Variants in NBAS observed in about 807,000 individuals in gnomAD.
NBAS encodes the protein NAG/BC035112 fusion.
NBAS carries 219 observed loss-of-function variants against 302.5 expected under a neutral mutation model. The observed-to-expected ratio is 0.72, with a 90% CI of 0.65 to 0.81. The LOEUF is 0.81. NBAS is among the 30% of genes least tolerant of loss of function. The pLI is 0.00. For synonymous variants in NBAS, 1,118 were observed against 1,021.6 expected (o/e 1.09, Z -1.80); for missense variants, 2,932 against 2,841.6 (o/e 1.03, Z -0.72).
chr2:15,550,779 G>A (rs1664345893), intron 6 of NBAS, among the ~76,000 whole-genome samples: 1 of 151,870 alleles, frequency 6.6e-6, no homozygotes, highest in African/African-American at 2.4e-5. Context: ...TAGAGACGGG[G>A]TTTCACCATG....
the NBAS span, among the ~76,000 whole-genome samples, chr2:15,035,911 A>G: frequency 0.8 from 122,309 of 152,154 alleles, 49,698 homozygotes; most frequent in East Asian, 1. Flanking sequence ...CAGGCTCAAT[A>G]CATAGGTGAT....
intron 11 of NBAS, among the ~76,000 whole-genome samples, chr2:15,498,602 C>T (rs1010833030): frequency 6.6e-6 from 1 of 152,136 alleles, no homozygotes; most frequent in Non-Finnish European, 1.5e-5. Context: ...TTTGGATCTG[C>T]GTCCCCACCC....
At chr2:15,391,778 T>C (rs1313895683) in intron 28 of NBAS, among the ~76,000 whole-genome samples, 2 of 151,026 alleles carry the variant, frequency 1.3e-5, no homozygotes, top group Non-Finnish European at 2.9e-5. Flanking sequence ...TTAAAAAATA[T>C]GAGAAACACA....
At chr2:15,377,017 G>A (rs1397312106) in intron 30 of NBAS, among the ~76,000 whole-genome samples, 1 of 152,116 alleles carries the variant, frequency 6.6e-6, no homozygotes, top group Non-Finnish European at 1.5e-5. Context: ...ATAGTCTTGG[G>A]ATTTAAAGGT....
At position 15,216,275 on chromosome 2, in the gene NBAS, T is replaced by C. The variant is rs1666650862; in HGVS notation, c.6432+2498A>G. On this transcript the variant is annotated intron_variant, in intron 48 of 51. Transcript: ENST00000281513. ...CTACCAAGAACAGGGAAAATGCTCT[T>C]ACATAAGGGGAAAGCAGAGAGGCGA... Among the ~76,000 whole-genome samples, 3 of 152,176 alleles carry C rather than the reference T, an allele frequency of 2.0e-5. No homozygotes were observed. In the South Asian group the frequency reaches 6.2e-4, roughly 32 times the overall value.
At chr2:14,822,018 G>A in the NBAS span, among the ~76,000 whole-genome samples, 1 of 151,886 alleles carries the variant, frequency 6.6e-6, no homozygotes, top group Non-Finnish European at 1.5e-5. Flanking sequence ...GGGCAACAGA[G>A]TGAGACTCTG....
At chr2:15,474,456 C>G in intron 14 of NBAS, 132 bp from the exon 15 acceptor site, 4 of 949,478 alleles carry the variant, frequency 4.2e-6, no homozygotes, top group Non-Finnish European at 6.1e-6. Flanking sequence ...TCAAGATTAA[C>G]AATGGAACTC....
chr2:15,402,554 T>C lies in NBAS; in HGVS notation c.2938-253A>G, dbSNP rs181731138. 8.1e-4 allele frequency among the ~76,000 whole-genome samples: 124 copies of C among 152,230 alleles called. No individual in the cohort carries two copies. The East Asian group carries it at 0.022, about 27-fold the overall frequency. On this transcript the variant is annotated intron_variant, in intron 25 of 51. Coordinates refer to ENST00000281513, the MANE Select transcript of NBAS (RefSeq NM_015909.4). ...ATCAGCTGAAAACAGATTCTTCAAT[T>C]TATGACCCAGTCAATATAGAAAAAA...
Position 15,167,073 on chromosome 2 carries a change from AG to A in NBAS, c.7090del (p.Leu2364SerfsTer?). 2 of 1,601,196 alleles carry A rather than the reference AG, an allele frequency of 1.2e-6. No individual in the cohort carries two copies. The highest frequency in any genetic ancestry group is 1.7e-6 in the Non-Finnish European group (2 of 1,171,954). Reference protein sequence around the residue: ...HQAFRTFSTALRAAQHWV With the variant: ...HQAFRTFSTAXRAAQHWV ...TCACACCCAGTGCTGTGCTGCGCGG[AG>A]GGCTGTACTGAAGGTTCTGAAGGCC... On this transcript the variant is annotated frameshift_variant, in exon 52 of 52. Coordinates refer to ENST00000281513, the MANE Select transcript of NBAS (RefSeq NM_015909.4). LOFTEE classifies it high-confidence loss of function.
chr2:15,171,391 G>A (rs1009939159), intron 51 of NBAS, among the ~76,000 whole-genome samples: 1 of 152,028 alleles, frequency 6.6e-6, no homozygotes, highest in Non-Finnish European at 1.5e-5. Flanking sequence ...TTAATCGTAT[G>A]ATATTTGTAT....
chr2:15,296,521 G>A (rs1292136478), intron 40 of NBAS, among the ~76,000 whole-genome samples: 1 of 143,534 alleles, frequency 7.0e-6, no homozygotes, highest in African/African-American at 2.7e-5. Context: ...ATGAGACTCT[G>A]TCTCAAAAAA....
At chr2:15,088,857 G>C in the NBAS span, among the ~76,000 whole-genome samples, 5 of 152,192 alleles carry the variant, frequency 3.3e-5, no homozygotes, top group Non-Finnish European at 7.4e-5. Context: ...CCCAGAAACC[G>C]ATTTGGATGG....
At chr2:14,801,022 A>G in the NBAS span, among the ~76,000 whole-genome samples, 2 of 152,066 alleles carry the variant, frequency 1.3e-5, no homozygotes, top group African/African-American at 4.8e-5. Flanking sequence ...CTGGGTATAG[A>G]ATTCTATGCT....
chr2:15,241,625 A>G (rs1199759961), intron 44 of NBAS, among the ~76,000 whole-genome samples: 2 of 152,214 alleles, frequency 1.3e-5, no homozygotes, highest in Non-Finnish European at 2.9e-5. Context: ...AACTTTAAGA[A>G]CTTAAGACAA....
At chr2:15,518,568 C>G (rs1285966863) in intron 9 of NBAS, among the ~76,000 whole-genome samples, 1 of 152,152 alleles carries the variant, frequency 6.6e-6, no homozygotes, top group African/African-American at 2.4e-5. Context: ...ATCCTCTACA[C>G]TAAAGCACAC....
At chr2:15,244,571 A>G (rs974264914) in intron 44 of NBAS, among the ~76,000 whole-genome samples, 2 of 152,028 alleles carry the variant, frequency 1.3e-5, no homozygotes, top group Non-Finnish European at 2.9e-5. Flanking sequence ...GCTTAATGCA[A>G]TTATCTTGTC....
chr2:15,384,684 A>C (rs1675203220), intron 28 of NBAS, among the ~76,000 whole-genome samples: 1 of 152,160 alleles, frequency 6.6e-6, no homozygotes, highest in Non-Finnish European at 1.5e-5. Context: ...GCCTCTCTCC[A>C]AAGTTCATCT....
chr2:15,363,772 G>A (rs2148332862), intron 32 of NBAS, among the ~76,000 whole-genome samples: 1 of 152,280 alleles, frequency 6.6e-6, no homozygotes, highest in Middle Eastern at 3.4e-3. Flanking sequence ...TTATTTAACT[G>A]TTTTTAATTC....
chr2:15,211,272 T>C (rs1461463878), intron 48 of NBAS, among the ~76,000 whole-genome samples: 2 of 151,792 alleles, frequency 1.3e-5, no homozygotes, highest in Admixed American at 1.3e-4. Flanking sequence ...CCACAAAAAT[T>C]AAAAAAATAA....
Sources: gnomAD v4.1 joint callset for allele counts (sites outside exome capture counted in the v4.1 genomes callset) on GRCh38, gnomAD v4.1.1 for gene constraint, MANE v1.5 for transcripts, NCBI Gene and HGNC (gene_info 2026-07-23, HGNC 2026-07-21) for gene names.